The following THBS3 variants were observed in gnomAD, a reference collection of about 807,000 sequenced individuals.
THBS3 encodes thrombospondin-3.
Under a neutral mutation model 118.3 loss-of-function variants are expected in THBS3, and 78 were observed. The ratio of observed to expected loss-of-function variants is 0.66; its 90% confidence interval spans 0.55 to 0.80. The LOEUF is 0.80. Ranked by LOEUF, THBS3 falls within the 30% of genes least tolerant of loss-of-function variation. The pLI is 0.00. For missense variants in THBS3, 1,057 were observed against 1,247.4 expected, an observed-to-expected ratio of 0.85 and a Z score of 2.30; for synonymous variants, 427 against 475.3, an observed-to-expected ratio of 0.90 and a Z score of 1.32.
In THBS3 at chr1:155,197,985, C is replaced by T. The variant is rs1027851208; in HGVS notation, c.2253+57G>A. The T allele has an allele frequency of 2.5e-6, 4 of 1,613,960 alleles. No homozygotes were observed. The African/African-American group carries it at 4.0e-5, about 16-fold the overall frequency. ...TGCAGGTGTGCTATCCCTCCCAGGC[C>T]CCCCGTCCCAGTAGCCCTGTCTGAT... On this transcript the variant is annotated intron_variant, in intron 18 of 22. Coordinates refer to ENST00000368378, the MANE Select transcript of THBS3 (RefSeq NM_007112.5). This position sits in a 1 kb window ranked among gnomAD's most constrained non-coding sequence, Gnocchi z 5.0.
chr1:155,203,211 G>A lies in THBS3; in HGVS notation c.756+12C>T. On this transcript the variant is annotated intron_variant, in intron 6 of 22. Transcript: ENST00000368378. ...CCAGAATCAGTGCCACCCTTCGCCA[G>A]CCCACCCAAACCTGGTCTCGTATAT... The A allele has an allele frequency of 6.2e-7, 1 of 1,614,186 alleles. No homozygotes were observed. Among genetic ancestry groups the A allele is most frequent in the Non-Finnish European group, 8.5e-7 (1 of 1,180,036 alleles).
intron 4 of THBS3, 25 bp downstream of exon 4, chr1:155,204,830 G>A (rs771400830): frequency 3.1e-6 from 5 of 1,606,004 alleles, no homozygotes; most frequent in Non-Finnish European, 4.3e-6. Context: ...GTGGTCCAAT[G>A]TCAGCAAACA....
intron 16 of THBS3, 56 bp downstream of exon 16, chr1:155,199,748 C>G (rs1225157538): frequency 3.1e-6 from 5 of 1,594,636 alleles, no homozygotes; most frequent in African/African-American, 1.3e-5. Flanking sequence ...GAGCAAGACT[C>G]CGTCTCAGAA....
At chr1:155,203,341 G>C (rs890654463) in intron 5 of THBS3, 36 bp from the exon 6 acceptor site, 4 of 1,610,492 alleles carry the variant, frequency 2.5e-6, no homozygotes, top group African/African-American at 2.7e-5. Flanking sequence ...TTCAGTACTG[G>C]AGCACCAGTC....
Position 155,195,694 on chromosome 1 carries a change from C to T in THBS3, c.*147G>A. 1.2e-6 allele frequency: 1 copy of T among 817,248 alleles called. No homozygotes were observed. Among genetic ancestry groups the T allele is most frequent in the Non-Finnish European group, 2.0e-6 (1 of 510,240 alleles). 50.6% of individuals were successfully genotyped at this position (817,248 alleles called of 1,614,324 possible). On this transcript the variant is annotated 3_prime_UTR_variant, in exon 23 of 23. Coordinates refer to ENST00000368378, the MANE Select transcript of THBS3 (RefSeq NM_007112.5). ...CTCATCCCCTGAAGGGTGGGGTGAC[C>T]ACCCCTCTGGGACTGAACTCCTTTT...
chr1:155,208,815 G>A (rs1391255425), upstream of THBS3: 2 of 1,559,686 alleles, frequency 1.3e-6, no homozygotes. Context: ...ATGCTGCTCG[G>A]GGGACCCCCC....
rs760563091 is a variant in THBS3 at position 155,197,254 on chromosome 1, T to C, written c.2500-41A>G. On this transcript the variant is annotated intron_variant, in intron 20 of 22. Coordinates refer to ENST00000368378, the MANE Select transcript of THBS3 (RefSeq NM_007112.5). The surrounding 1 kb of genome is among the most constrained non-coding windows in gnomAD (Gnocchi z 5.0). Reference sequence around the variant, plus strand: ...AAAGACAGTGGGTCAACTGCAGAACTGGAGTGAGGGGAGACAACAGGTCGG... The same window carrying C: ...AAAGACAGTGGGTCAACTGCAGAACCGGAGTGAGGGGAGACAACAGGTCGG... 1.2e-6 allele frequency: 2 copies of C among 1,602,022 alleles called. No homozygotes were observed. The highest frequency in any genetic ancestry group is 2.2e-5 in the South Asian group (2 of 90,688).
rs377252749 is a variant in THBS3 at position 155,202,051 on chromosome 1, T to C, written c.1099-17A>G. The C allele has an allele frequency of 1.2e-4, 192 of 1,613,964 alleles. No homozygotes were observed. Among genetic ancestry groups the C allele is most frequent in the Non-Finnish European group, 1.6e-4 (185 of 1,180,020 alleles). ...ATTGCAGACCTGAAGGGGCAGACTT[T>C]GGGTGGAACCAGACCTATGGTGGGT... On this transcript the variant is annotated splice_polypyrimidine_tract_variant and intron_variant, in intron 9 of 22. Coordinates refer to ENST00000368378, the MANE Select transcript of THBS3 (RefSeq NM_007112.5). The surrounding 1 kb of genome is among the most constrained non-coding windows in gnomAD (Gnocchi z 5.5).
chr1:155,207,809 T>G lies in THBS3; in HGVS notation c.68A>C (p.Gln23Pro). The G allele has an allele frequency of 6.2e-7, 1 of 1,614,042 alleles. No individual in the cohort carries two copies. Among genetic ancestry groups the G allele is most frequent in the South Asian group, 1.1e-5 (1 of 91,088 alleles). The change falls in exon 1 of 23, where the codon CAG (glutamine) becomes CCG (proline). Residue 23 changes from glutamine to proline, a missense_variant. Physicochemically the swap from Gln to Pro is moderately conservative, Grantham distance 76. This residue lies in a region of THBS3 where 206 missense variants were observed against 205.7 expected (regional missense o/e 1.00). Coordinates refer to ENST00000368378, the MANE Select transcript of THBS3 (RefSeq NM_007112.5). ...LLLCFFTSAS[Q>P]DLQVIDLLTV... The stretch of plus-strand genomic sequence containing the variant: ...GGAGACAGGCTTACCCTGCAGATCC[T>G]GACTGGCAGATGTGAAAAAGCAAAG...
rs1351105904 is a variant in THBS3, at chr1:155,202,795, GCTCTGAC to G, written c.957+10_957+16del. The stretch of plus-strand genomic sequence containing the variant: ...ACCCCAGTTTTCTGTACCCTTCTGG[GCTCTGAC>G]CTCCCTCACCTCATTGATGTCACTG... On this transcript the variant is annotated intron_variant, in intron 8 of 22. Coordinates refer to ENST00000368378, the MANE Select transcript of THBS3 (RefSeq NM_007112.5). The surrounding 1 kb of genome is among the most constrained non-coding windows in gnomAD (Gnocchi z 5.5). 6.2e-7 allele frequency: 1 copy of G among 1,603,898 alleles called. No homozygotes were observed.
rs148238928 is a variant in THBS3, at chr1:155,205,075, C to A, written c.528G>T (p.Ala176=). ...DGLEIRTGQK[A]YLRMQGFVES... ...CCCGGCTCACCTGCATCCTCAAATA[C>A]GCCTTCTGTCCAGTCCTAATCTCCA... The change falls in exon 3 of 23, where the codon GCG becomes GCT. Residue 176 remains alanine, a synonymous_variant. Transcript: ENST00000368378. The A allele has an allele frequency of 6.2e-7, 1 of 1,613,418 alleles. No individual in the cohort carries two copies. Among genetic ancestry groups the A allele is most frequent in the African/African-American group, 1.3e-5 (1 of 74,920 alleles).
chr1:155,201,334 G>A (rs1669684256), intron 11 of THBS3, 83 bp downstream of exon 11: 2 of 1,569,886 alleles, frequency 1.3e-6, no homozygotes, highest in South Asian at 1.2e-5. Context: ...CTCCTATGAA[G>A]ACCCCCAACC....
At chr1:155,201,780 G>T in intron 10 of THBS3, 177 bp downstream of exon 10, 1 of 1,042,194 alleles carries the variant, frequency 9.6e-7, no homozygotes. Flanking sequence ...TAAATAACCT[G>T]CTAAAGAGCT....
chr1:155,202,463 G>A lies in THBS3; in HGVS notation c.958-62C>T. ...CTCTGGGAAACTCAGGTCCCTGCCT[G>A]TGATCCAGGAACCATTGCTCCAGGT... On this transcript the variant is annotated intron_variant, in intron 8 of 22. Transcript: ENST00000368378. This position sits in a 1 kb window ranked among gnomAD's most constrained non-coding sequence, Gnocchi z 5.5. The A allele has an allele frequency of 6.3e-7, 1 of 1,588,708 alleles. No homozygotes were observed. The highest frequency in any genetic ancestry group is 8.6e-7 in the Non-Finnish European group (1 of 1,168,066).
chr1:155,203,056 A>C (rs749825754), intron 7 of THBS3, 30 bp downstream of exon 7: 2 of 1,614,020 alleles, frequency 1.2e-6, no homozygotes, highest in South Asian at 1.1e-5. Flanking sequence ...TGGCACGGTC[A>C]TGTGGAGCCT....
At chr1:155,201,850 C>A in intron 10 of THBS3, 107 bp downstream of exon 10, 1 of 1,503,928 alleles carries the variant, frequency 6.6e-7, no homozygotes. Flanking sequence ...CTGTGTAGTG[C>A]CCTGGGGAGG....
rs1670508738 is a variant in THBS3, at chr1:155,206,132, G to A, written c.286+68C>T. 4 of 1,563,748 alleles carry A rather than the reference G, an allele frequency of 2.6e-6. No homozygotes were observed. In the Admixed American group the frequency reaches 6.8e-5, roughly 26 times the overall value. ...GCCAAGGAGAATGAGGAAGCACTTG[G>A]GAAGTAGGGATGAGGGAGAGTGCTT... On this transcript the variant is annotated intron_variant, in intron 2 of 22. Transcript: ENST00000368378. The surrounding 1 kb of genome is among the most constrained non-coding windows in gnomAD (Gnocchi z 4.2).
rs1668953583 is a variant in THBS3, at chr1:155,197,880, C to T, written c.2302G>A (p.Gly768Arg). Reference sequence around the variant, plus strand: ...ATTGAACTGCATATCCCTTACATACCAACTGCCAAGCCAGGGTCACTGTTC... The same window carrying T: ...ATTGAACTGCATATCCCTTACATACTAACTGCCAAGCCAGGGTCACTGTTC... ...TMNSDPGLAV[G>R]YTAFNGVDFE... The change falls in exon 19 of 23, where the codon GGA becomes AGA. Residue 768 changes from glycine (G) to arginine (R), a missense_variant and splice_region_variant. Coordinates refer to ENST00000368378, the MANE Select transcript of THBS3 (RefSeq NM_007112.5). The surrounding 1 kb of genome is among the most constrained non-coding windows in gnomAD (Gnocchi z 5.0). 2 of 1,613,936 alleles carry T rather than the reference C, an allele frequency of 1.2e-6. No individual in the cohort carries two copies. Among genetic ancestry groups the T allele is most frequent in the Admixed American group, 1.7e-5 (1 of 59,986 alleles).
At chr1:155,201,031 G>T (rs765249591) in intron 12 of THBS3, 27 bp from the exon 13 acceptor site, 2 of 1,614,234 alleles carry the variant, frequency 1.2e-6, no homozygotes, top group South Asian at 2.2e-5. Context: ...GAGGATGGAT[G>T]AGTTCTGGCC....
Sources: gnomAD v4.1 joint callset for allele counts on GRCh38, gnomAD v4.1.1 for gene constraint, gnomAD v4.1.1 regional missense constraint, Gnocchi (gnomAD v3.1) non-coding constraint, MANE v1.5 for transcripts, NCBI Gene and HGNC (gene_info 2026-07-23, HGNC 2026-07-21) for gene names.